Variants in SIPA1L1 observed in about 807,000 individuals in gnomAD.
The protein encoded by SIPA1L1 is signal-induced proliferation-associated 1-like protein 1.
Under a neutral mutation model 162.7 loss-of-function variants are expected in SIPA1L1, and 26 were observed. The ratio of observed to expected loss-of-function variants is 0.16; its 90% CI spans 0.12 to 0.22. The LOEUF (loss-of-function observed/expected upper bound fraction) is 0.22, where lower values mean the gene tolerates loss of function less well. Ranked by LOEUF, SIPA1L1 falls within the 10% of genes least tolerant of loss-of-function variation. The pLI is 1.00. For synonymous variants in SIPA1L1, 829 were observed against 837.4 expected (o/e 0.99, Z 0.17); for missense variants, 1,874 against 2,241.0 (o/e 0.84, Z 3.31).
At chr14:71,512,093 C>T (rs2051201754) in intron 2 of SIPA1L1, among the ~76,000 whole-genome samples, 1 of 152,186 alleles carries the variant, frequency 6.6e-6, no homozygotes, top group African/African-American at 2.4e-5. Context: ...CTTCCCACCT[C>T]CCACGCAATT....
At position 71,702,432 on chromosome 14, in the gene SIPA1L1, G is replaced by C. The variant is rs375719586; in HGVS notation, c.3573G>C (p.Gln1191His). 5.0e-6 allele frequency: 8 copies of C among 1,614,214 alleles called. No individual in the cohort carries two copies. The highest frequency in any genetic ancestry group is 6.8e-6 in the Non-Finnish European group (8 of 1,180,014). Residue 1191 changes from glutamine (Q) to histidine (H), a missense_variant, in exon 15 of 24, where the codon CAG (glutamine) becomes CAC (histidine). Coordinates refer to ENST00000381232, the MANE Select transcript of SIPA1L1 (RefSeq NM_001386936.1). The stretch of plus-strand genomic sequence containing the variant: ...CCTCCATTGACAGGCAGAACACCCA[G>C]TCAGATATTGGTGGCAGCGGAAAAT... ...SPASIDRQNT[Q>H]SDIGGSGKST... is the part of the protein sequence containing the mutation.
chr14:71,630,177 T>A (rs909457798), intron 7 of SIPA1L1, among the ~76,000 whole-genome samples: 1 of 152,242 alleles, frequency 6.6e-6, no homozygotes, highest in African/African-American at 2.4e-5. Flanking sequence ...GGCTACCAAA[T>A]TGATTCCAGA....
chr14:71,534,062 AAAAAAT>A (rs560499552), intron 4 of SIPA1L1, among the ~76,000 whole-genome samples: 4,796 of 151,570 alleles, frequency 0.032, 98 homozygotes, highest in Non-Finnish European at 0.042. Flanking sequence ...CCATCTCTAC[AAAAAAT>A]AAAAATAAAA....
chr14:71,733,510 A>C (rs1481243593), intron 20 of SIPA1L1, among the ~76,000 whole-genome samples, 156 bp from the exon 21 acceptor site: 1 of 152,266 alleles, frequency 6.6e-6, no homozygotes, highest in African/African-American at 2.4e-5. Context: ...TCCTATTTCA[A>C]GTCAGCTTTA....
chr14:71,457,248 C>T (rs2046248944), intron 2 of SIPA1L1, among the ~76,000 whole-genome samples: 1 of 152,054 alleles, frequency 6.6e-6, no homozygotes, highest in African/African-American at 2.4e-5. Flanking sequence ...ATCTGCTTTT[C>T]TGTTGACCTA....
At chr14:71,453,784 G>A (rs547182075) in intron 2 of SIPA1L1, among the ~76,000 whole-genome samples, 1 of 151,888 alleles carries the variant, frequency 6.6e-6, no homozygotes, top group African/African-American at 2.4e-5. Context: ...ACCTGAGGTC[G>A]GGAGTTCAAG....
intron 2 of SIPA1L1, among the ~76,000 whole-genome samples, chr14:71,493,276 G>T (rs2049440862): frequency 6.6e-6 from 1 of 151,416 alleles, no homozygotes; most frequent in Non-Finnish European, 1.5e-5. Context: ...TTTATTTTTG[G>T]AGTGATGGGG....
chr14:71,559,895 G>T (rs866237728), intron 4 of SIPA1L1, among the ~76,000 whole-genome samples: 4 of 151,316 alleles, frequency 2.6e-5, no homozygotes, highest in African/African-American at 9.7e-5. Flanking sequence ...TGGAAAACTT[G>T]TCCTTGAATA....
In SIPA1L1 at chr14:71,588,740, A is replaced by G; in HGVS notation, c.868A>G (p.Thr290Ala). The stretch of plus-strand genomic sequence containing the variant: ...ACTCAAGCGACGTTCAAAATCTGAA[A>G]CTGGAGACTCATCTATTTTTCGTAA... The part of the protein sequence containing the change: ...KPLKRRSKSE[T>A]GDSSIFRKLR... Residue 290 changes from threonine to alanine, a missense_variant, in exon 5 of 24, where the codon ACT (threonine) becomes GCT (alanine). This residue lies in a region of SIPA1L1 where 685 missense variants were observed against 828.0 expected (regional missense o/e 0.83). Transcript: ENST00000381232. The surrounding 1 kb of genome is among the most constrained non-coding windows in gnomAD (Gnocchi z 4.3). 1 of 1,614,020 alleles carries G rather than the reference A, an allele frequency of 6.2e-7. No homozygotes were observed. The highest frequency in any genetic ancestry group is 8.5e-7 in the Non-Finnish European group (1 of 1,179,968).
chr14:71,461,061 A>G (rs952580063), intron 2 of SIPA1L1, among the ~76,000 whole-genome samples: 1 of 152,200 alleles, frequency 6.6e-6, no homozygotes, highest in Non-Finnish European at 1.5e-5. Flanking sequence ...GTTGGTGGAT[A>G]AGGCATTCCA....
intron 2 of SIPA1L1, among the ~76,000 whole-genome samples, chr14:71,413,595 G>A (rs111912104): frequency 9.9e-5 from 15 of 152,070 alleles, no homozygotes; most frequent in East Asian, 1.9e-4. Flanking sequence ...AAAATTAGCC[G>A]GTGTGGTGGT....
At chr14:71,427,771 T>C (rs2043684338) in intron 2 of SIPA1L1, among the ~76,000 whole-genome samples, 1 of 152,166 alleles carries the variant, frequency 6.6e-6, no homozygotes, top group Admixed American at 6.5e-5. Context: ...TTTGCATCTC[T>C]TTATGAATAT....
chr14:71,523,351 CT>C (rs1205023899), intron 3 of SIPA1L1, among the ~76,000 whole-genome samples: 2 of 150,650 alleles, frequency 1.3e-5, no homozygotes, highest in African/African-American at 2.4e-5. Flanking sequence ...CCATATTTTT[CT>C]TTTTTTCGCT....
At chr14:71,650,701 A>T (rs1441785848) in intron 8 of SIPA1L1, among the ~76,000 whole-genome samples, 192 bp downstream of exon 8, 4 of 152,060 alleles carry the variant, frequency 2.6e-5, no homozygotes, top group African/African-American at 9.7e-5. Flanking sequence ...CTAGAATTAG[A>T]CTCTAAAAAA....
At chr14:71,388,732 CCCTGGCTGAACATCA>C (rs1303801995) in intron 2 of SIPA1L1, among the ~76,000 whole-genome samples, 1 of 152,170 alleles carries the variant, frequency 6.6e-6, no homozygotes, top group Non-Finnish European at 1.5e-5. Context: ...TGGTTGTCAG[CCCTGGCTGAACATCA>C]GAATCATCTG....
chr14:71,557,983 C>G (rs1207458759), intron 4 of SIPA1L1, among the ~76,000 whole-genome samples: 5 of 152,130 alleles, frequency 3.3e-5, no homozygotes, highest in Admixed American at 3.3e-4. Context: ...AATCAGTTGT[C>G]TCATGATTTT....
rs142224407 is a variant in SIPA1L1, at chr14:71,464,967, A to G, written c.-464-47776A>G. ...AGAATCAACATTATTTTTCCTGGCA[A>G]CTGCCTTAGGGGAGGCTATCACTGT... On this transcript the variant is annotated intron_variant, in intron 2 of 23. Transcript: ENST00000381232. 3.6e-4 allele frequency among the ~76,000 whole-genome samples: 55 copies of G among 152,252 alleles called. 1 individual carries two copies. In the South Asian group the frequency reaches 7.7e-3, roughly 21 times the overall value.
intron 5 of SIPA1L1, among the ~76,000 whole-genome samples, chr14:71,593,481 T>C (rs2035657376): frequency 6.6e-6 from 1 of 152,082 alleles, no homozygotes; most frequent in Non-Finnish European, 1.5e-5. Flanking sequence ...CAAAGTGCGG[T>C]ATTACAAGCG....
At chr14:71,666,926 C>G (rs1423986904) in intron 10 of SIPA1L1, among the ~76,000 whole-genome samples, 1 of 149,432 alleles carries the variant, frequency 6.7e-6, no homozygotes. Flanking sequence ...AAGAAAAATC[C>G]AAGTAGGTCA....
Sources: gnomAD v4.1 joint callset for allele counts (sites outside exome capture counted in the v4.1 genomes callset) on GRCh38, gnomAD v4.1.1 for gene constraint, gnomAD v4.1.1 regional missense constraint, Gnocchi (gnomAD v3.1) non-coding constraint, MANE v1.5 for transcripts, NCBI Gene and HGNC (gene_info 2026-07-23, HGNC 2026-07-21) for gene names.